The following GRIK5 variants were observed in gnomAD, a reference collection of about 807,000 sequenced individuals.
GRIK5 encodes the protein glutamate receptor ionotropic, kainate 5.
A neutral mutation model predicts 97.4 loss-of-function variants in GRIK5; 43 were observed. The ratio of observed to expected loss-of-function variants is 0.44; its 90% CI spans 0.35 to 0.57. The LOEUF is 0.57. Among genes scored for constraint, GRIK5 ranks in the 20% least tolerant of loss-of-function variants. GRIK5 has a pLI of 0.01. For missense variants in GRIK5, 1,015 were observed against 1,382.0 expected (o/e 0.73, Z 4.21); for synonymous variants, 580 against 583.5 (o/e 0.99, Z 0.09).
chr19:42,034,128 G>A (rs894094004), intron 12 of GRIK5, among the ~76,000 whole-genome samples: 4 of 152,140 alleles, frequency 2.6e-5, no homozygotes, highest in Non-Finnish European at 5.9e-5. Flanking sequence ...TCAGGAGGTC[G>A]AGGCAGGTAG....
chr19:42,027,629 A>C (rs573406732), intron 12 of GRIK5, among the ~76,000 whole-genome samples: 8 of 152,296 alleles, frequency 5.3e-5, no homozygotes, highest in African/African-American at 1.9e-4. Context: ...CAGGGAGCCA[A>C]CTGCAGATGC....
intron 15 of GRIK5, among the ~76,000 whole-genome samples, chr19:42,019,576 G>A (rs923401285): frequency 3.3e-5 from 5 of 152,224 alleles, no homozygotes; most frequent in African/African-American, 9.7e-5. Context: ...CAGCAAAAGA[G>A]ACTTTGCAGC....
Position 42,005,831 on chromosome 19 carries a change from A to G in GRIK5, c.2155T>C (p.Phe719Leu). The change falls in exon 17 of 20, where the codon TTC becomes CTC. Residue 719 changes from phenylalanine to leucine, a missense_variant. By Grantham distance (22) the Phe-to-Leu change is conservative. Around this residue, in one of 5 missense-constraint regions of GRIK5, gnomAD observed 229 missense variants for 341.0 expected, o/e 0.67. Transcript: ENST00000593562. Reference sequence around the variant, plus strand: ...TCGTTCATGGTGGACTCGAGCAGGAAGGCGTAGCGGGAGTTGAGGACGCGG... The same window carrying G: ...TCGTTCATGGTGGACTCGAGCAGGAGGGCGTAGCGGGAGTTGAGGACGCGG... ...IARVLNSRYA[F>L]LLESTMNEYH... 1 of 1,613,814 alleles carries G rather than the reference A, an allele frequency of 6.2e-7. No individual in the cohort carries two copies. Among genetic ancestry groups the G allele is most frequent in the Non-Finnish European group, 8.5e-7 (1 of 1,179,718 alleles).
At chr19:42,004,490 T>A (rs2075462339) in intron 17 of GRIK5, among the ~76,000 whole-genome samples, 1 of 152,214 alleles carries the variant, frequency 6.6e-6, no homozygotes, top group Admixed American at 6.5e-5. Context: ...GCACCAACTG[T>A]GTGCCAGACC....
In GRIK5 at chr19:42,006,534, G is replaced by A; in HGVS notation, c.2037+111C>T. On this transcript the variant is annotated intron_variant, in intron 16 of 19. Coordinates refer to ENST00000593562, the MANE Select transcript of GRIK5 (RefSeq NM_002088.5). The surrounding 1 kb of genome is among the most constrained non-coding windows in gnomAD (Gnocchi z 5.3). The stretch of plus-strand genomic sequence containing the variant: ...TTTTCTGCTCCCCAGCCTCCAGGCT[G>A]TCACTGACAATCAGTCCCTCTGACC... 1.1e-6 allele frequency: 1 copy of A among 917,056 alleles called. No homozygotes were observed. The highest frequency in any genetic ancestry group is 1.7e-6 in the Non-Finnish European group (1 of 589,412). The allele number at this position is 917,056 out of a possible 1,614,324, so 56.8% of individuals were successfully genotyped here.
chr19:41,999,560 C>T lies in GRIK5; in HGVS notation c.2515-261G>A, dbSNP rs1555870469. The stretch of plus-strand genomic sequence containing the variant: ...TGCCCTTCACCTTCCACCTAAGCTC[C>T]TCTCTTTCCTCTGGTCTTTTCACTG... On this transcript the variant is annotated intron_variant, in intron 19 of 19. Coordinates refer to ENST00000593562, the MANE Select transcript of GRIK5 (RefSeq NM_002088.5). This position sits in a 1 kb window ranked among gnomAD's most constrained non-coding sequence, Gnocchi z 5.0. Among the ~76,000 whole-genome samples the T allele has an allele frequency of 6.6e-6, 1 of 152,196 alleles. No homozygotes were observed.
chr19:42,013,403 C>CT, intron 15 of GRIK5, among the ~76,000 whole-genome samples: 1 of 135,742 alleles, frequency 7.4e-6, no homozygotes, highest in Non-Finnish European at 1.6e-5. Context: ...TTCTTTTTTT[C>CT]TTTTCTTTTT....
At chr19:42,068,437 C>A in intron 1 of GRIK5, 1 of 303,814 alleles carries the variant, frequency 3.3e-6, no homozygotes, top group Non-Finnish European at 6.0e-6. Context: ...GCCAGACCAG[C>A]CAGGAAAAGT....
chr19:42,063,614 TG>T, intron 3 of GRIK5: 1 of 302,876 alleles, frequency 3.3e-6, no homozygotes, highest in Admixed American at 4.4e-5. Context: ...TTTGCTAAAC[TG>T]GTGAGATGTA....
Position 42,062,373 on chromosome 19 carries a change from G to T in GRIK5, c.508+115C>A. 1.0e-6 allele frequency: 1 copy of T among 985,968 alleles called. No homozygotes were observed. The allele number at this position is 985,968 out of a possible 1,614,324, so 61.1% of individuals were successfully genotyped here. A position where few individuals can be genotyped will look rare whatever the true frequency, so the allele number is the denominator to read the frequency against. ...TCTGAAGATGGGAGAAGAGCCTGGT[G>T]CCTGGGTGCCCCAGGGTTCTAACTA... On this transcript the variant is annotated intron_variant, in intron 5 of 19. Coordinates refer to ENST00000593562, the MANE Select transcript of GRIK5 (RefSeq NM_002088.5). This position sits in a 1 kb window ranked among gnomAD's most constrained non-coding sequence, Gnocchi z 5.3.
Position 42,053,722 on chromosome 19 carries a change from G to A in GRIK5, c.1162-13C>T, listed in dbSNP as rs752572939. On this transcript the variant is annotated splice_polypyrimidine_tract_variant and intron_variant, in intron 10 of 19. Coordinates refer to ENST00000593562, the MANE Select transcript of GRIK5 (RefSeq NM_002088.5). ...ACCACACCCCAATCTAGGGGGCAGA[G>A]AGGGTGCTGTCAGCTCAGGCCCTGC... 55 of 1,581,654 alleles carry A rather than the reference G, an allele frequency of 3.5e-5. No homozygotes were observed. The highest frequency in any genetic ancestry group is 4.5e-5 in the Non-Finnish European group (52 of 1,150,470).
intron 12 of GRIK5, among the ~76,000 whole-genome samples, chr19:42,028,118 C>T (rs2075793923): frequency 6.6e-6 from 1 of 152,326 alleles, no homozygotes; most frequent in Admixed American, 6.5e-5. Context: ...CAGGCGTAAG[C>T]CACCATGCAT....
chr19:42,036,902 C>T (rs1276656629), intron 12 of GRIK5, among the ~76,000 whole-genome samples: 2 of 152,150 alleles, frequency 1.3e-5, no homozygotes, highest in Non-Finnish European at 2.9e-5. Flanking sequence ...TCATCTGTCC[C>T]CTGTGATACC....
rs963173460 is a variant in GRIK5, at chr19:42,045,493, G to A, written c.1270-2738C>T. Among the ~76,000 whole-genome samples the A allele has an allele frequency of 6.6e-5, 10 of 152,266 alleles. No homozygotes were observed. In the East Asian group the frequency reaches 1.3e-3, roughly 21 times the overall value. On this transcript the variant is annotated intron_variant, in intron 11 of 19. Transcript: ENST00000593562. ...CCAAAGAACCACTAAGTTGACCCAC[G>A]GAATCATGCAAAATAATCAACTGCT...
chr19:42,041,249 T>G (rs1205273964), intron 12 of GRIK5, among the ~76,000 whole-genome samples: 3 of 152,200 alleles, frequency 2.0e-5, no homozygotes, highest in Non-Finnish European at 4.4e-5. Context: ...TGATGAGCTC[T>G]GTCAAGTCTA....
chr19:42,032,458 C>A (rs1568904340), intron 12 of GRIK5, among the ~76,000 whole-genome samples: 1 of 152,112 alleles, frequency 6.6e-6, no homozygotes, highest in Non-Finnish European at 1.5e-5. Flanking sequence ...ACCCTTTGAC[C>A]CAGCACTTTC....
At chr19:42,028,031 C>T (rs2075793039) in intron 12 of GRIK5, among the ~76,000 whole-genome samples, 1 of 152,102 alleles carries the variant, frequency 6.6e-6, no homozygotes, top group South Asian at 2.1e-4. Flanking sequence ...GGGGGTCTTA[C>T]TATGTTGCCC....
chr19:42,059,226 A>G, intron 6 of GRIK5, 123 bp downstream of exon 6: 1 of 716,656 alleles, frequency 1.4e-6, no homozygotes, highest in Non-Finnish European at 2.4e-6. Context: ...TATCATCTTC[A>G]CGGAAGAAGA....
intron 5 of GRIK5, among the ~76,000 whole-genome samples, chr19:42,060,426 G>C (rs1174153625): frequency 6.6e-6 from 1 of 152,028 alleles, no homozygotes; most frequent in African/African-American, 2.4e-5. Flanking sequence ...GCAGAAATGA[G>C]TTATGAAGAC....
Sources: allele counts gnomAD v4.1 joint callset (sites outside exome capture counted in the v4.1 genomes callset), GRCh38; gene constraint gnomAD v4.1.1; regional missense constraint gnomAD v4.1.1; non-coding constraint Gnocchi (gnomAD v3.1); transcripts MANE v1.5; gene names NCBI Gene and HGNC (gene_info 2026-07-23, HGNC 2026-07-21).